ITGA8: variants seen among roughly 807,000 people sequenced by gnomAD.
ITGA8 encodes the protein integrin subunit alpha 8.
In ITGA8, 91 loss-of-function variants were observed where a neutral mutation model predicts 142.3. That is an observed-to-expected ratio of 0.64 (90% CI 0.54 to 0.76). The LOEUF (loss-of-function observed/expected upper bound fraction) is 0.76, where lower values mean the gene tolerates loss of function less well. Ranked by LOEUF, ITGA8 falls within the 30% of genes least tolerant of loss-of-function variation. ITGA8 has a pLI of 0.00. For missense variants in ITGA8, 1,406 were observed against 1,327.7 expected (o/e 1.06, Z -0.92); for synonymous variants, 505 against 485.2 (o/e 1.04, Z -0.54).
chr10:15,703,346 T>C (rs1564416710), intron 2 of ITGA8, among the ~76,000 whole-genome samples: 1 of 152,212 alleles, frequency 6.6e-6, no homozygotes, highest in Non-Finnish European at 1.5e-5. Context: ...CCAGTGTTCT[T>C]CAGACAGTTG....
At chr10:15,683,277 C>CCATA (rs1834772346) in intron 4 of ITGA8, among the ~76,000 whole-genome samples, 1 of 87,080 alleles carries the variant, frequency 1.1e-5, no homozygotes, top group African/African-American at 3.8e-5. Context: ...ACCCATCCAT[C>CCATA]CATCCATCCA....
chr10:15,709,952 A>G (rs977301252), intron 2 of ITGA8, among the ~76,000 whole-genome samples: 1 of 152,224 alleles, frequency 6.6e-6, no homozygotes, highest in Non-Finnish European at 1.5e-5. Flanking sequence ...AGCTCCCAAG[A>G]CAAGAGAGGG....
intron 8 of ITGA8, among the ~76,000 whole-genome samples, chr10:15,661,583 C>T (rs1199970670): frequency 1.3e-5 from 2 of 152,176 alleles, no homozygotes. Context: ...ATTCATGAAT[C>T]TGGCTTCTTG....
At position 15,558,127 on chromosome 10, in the gene ITGA8, T is replaced by G; in HGVS notation, c.2713A>C (p.Lys905Gln). 1 of 1,614,196 alleles carries G rather than the reference T, an allele frequency of 6.2e-7. No individual in the cohort carries two copies. The highest frequency in any genetic ancestry group is 1.1e-5 in the South Asian group (1 of 91,090). The change falls in exon 26 of 30, where the codon AAG becomes CAG. Residue 905 changes from lysine (K) to glutamine (Q), a missense_variant. Physicochemically the swap from Lys to Gln is moderately conservative, Grantham distance 53 (BLOSUM62 1). Transcript: ENST00000378076. ...RNSTIPHLVRKRDVHVVEFHR... is the reference protein window; with the variant it reads ...RNSTIPHLVRQRDVHVVEFHR... ...AATTCGACCACATGTACATCCCTCT[T>G]CCTGACAAGATGAGGAATAGTAGAG...
intron 14 of ITGA8, among the ~76,000 whole-genome samples, chr10:15,614,187 A>C (rs1419842150): frequency 6.6e-6 from 1 of 152,182 alleles, no homozygotes; most frequent in Non-Finnish European, 1.5e-5. Context: ...GCAACTTTTC[A>C]TTGATAATTT....
At position 15,560,296 on chromosome 10, in the gene ITGA8, A is replaced by G. The variant is rs181302487; in HGVS notation, c.2638-2094T>C. ...CCCTGCTTCTAAAAAAAATAAAAAG[A>G]AAAAAAGAACAAAATTACAGATGTC... On this transcript the variant is annotated intron_variant, in intron 25 of 29. Transcript: ENST00000378076. 7.2e-5 allele frequency among the ~76,000 whole-genome samples: 11 copies of G among 152,286 alleles called. No homozygotes were observed. In the East Asian group the frequency reaches 2.1e-3, roughly 29 times the overall value.
In ITGA8 at chr10:15,604,308, A is replaced by T. The variant is rs776542951; in HGVS notation, c.2018T>A (p.Ile673Lys). The T allele has an allele frequency of 1.2e-6, 2 of 1,612,842 alleles. No homozygotes were observed. Among genetic ancestry groups the T allele is most frequent in the African/African-American group, 2.7e-5 (2 of 74,888 alleles). ...IIGDENHLML[I>K]INARNEGEGA... ...TTCCCCTTCATTTCTTGCATTTATT[A>T]TGAGCATAAGGTGATTTTCATCTCC... The change falls in exon 20 of 30, where the codon ATA (isoleucine) becomes AAA (lysine). Residue 673 changes from isoleucine to lysine, a missense_variant. By Grantham distance (102) the Ile-to-Lys change is moderately radical (BLOSUM62 -3). Coordinates refer to ENST00000378076, the MANE Select transcript of ITGA8 (RefSeq NM_003638.3).
chr10:15,537,543 C>G (rs939622625), intron 27 of ITGA8, among the ~76,000 whole-genome samples: 1 of 151,952 alleles, frequency 6.6e-6, no homozygotes, highest in African/African-American at 2.4e-5. Flanking sequence ...TTGCAGACAC[C>G]GGGTCTTCTT....
intron 20 of ITGA8, among the ~76,000 whole-genome samples, chr10:15,602,535 C>T (rs182908029): frequency 0.011 from 1,618 of 152,164 alleles, 28 homozygotes; most frequent in African/African-American, 0.036. Flanking sequence ...CCCAGGTGTT[C>T]AAGACCAGCC....
In ITGA8 at chr10:15,583,222, A is replaced by T. The variant is rs146152202; in HGVS notation, c.2372+3362T>A. ...GTTCATGTCTTTTGCAGGGACATGG[A>T]TGAAACTGGAAACCATCATTCTCAG... is the stretch of plus-strand genomic sequence containing the variant. On this transcript the variant is annotated intron_variant, in intron 23 of 29. Transcript: ENST00000378076. Among the ~76,000 whole-genome samples the T allele has an allele frequency of 1.5e-3, 232 of 152,324 alleles. 3 individuals are homozygous for T. The East Asian group carries it at 0.04, about 27-fold the overall frequency.
chr10:15,677,724 A>G, intron 5 of ITGA8, 87 bp from the exon 6 acceptor site: 1 of 1,319,652 alleles, frequency 7.6e-7, no homozygotes, highest in Non-Finnish European at 1.1e-6. Flanking sequence ...GTTAATAAGC[A>G]TTGCTCTAAC....
At chr10:15,581,967 G>A (rs553005531) in intron 23 of ITGA8, among the ~76,000 whole-genome samples, 3 of 152,278 alleles carry the variant, frequency 2.0e-5, no homozygotes, top group South Asian at 2.1e-4. Flanking sequence ...GGCCAGGTAC[G>A]GTGGCTCATG....
At chr10:15,536,838 C>A (rs1259701790) in intron 27 of ITGA8, among the ~76,000 whole-genome samples, 1 of 152,170 alleles carries the variant, frequency 6.6e-6, no homozygotes, top group Non-Finnish European at 1.5e-5. Flanking sequence ...TGGTAACAAA[C>A]GGAGGAGTTA....
At chr10:15,617,817 T>A (rs908440058) in intron 13 of ITGA8, among the ~76,000 whole-genome samples, 6 of 152,262 alleles carry the variant, frequency 3.9e-5, no homozygotes, top group African/African-American at 1.4e-4. Context: ...TGGACCTCCA[T>A]GGAACCAACC....
At chr10:15,657,066 C>T (rs1834198380) in intron 10 of ITGA8, among the ~76,000 whole-genome samples, 1 of 152,152 alleles carries the variant, frequency 6.6e-6, no homozygotes, top group Non-Finnish European at 1.5e-5. Context: ...AATTCTTTCT[C>T]TTGATGTGGT....
intron 2 of ITGA8, among the ~76,000 whole-genome samples, chr10:15,717,637 G>A (rs1835477742): frequency 1.3e-5 from 2 of 152,142 alleles, no homozygotes; most frequent in Admixed American, 6.5e-5. Context: ...AGACAGGCAT[G>A]ATAAAAATAT....
At chr10:15,600,689 G>C (rs2131604332) in intron 20 of ITGA8, among the ~76,000 whole-genome samples, 1 of 152,326 alleles carries the variant, frequency 6.6e-6, no homozygotes, top group South Asian at 2.1e-4. Context: ...TTGTAATTTA[G>C]AAAGATGGAT....
chr10:15,546,691 A>G (rs1172687385), intron 27 of ITGA8, among the ~76,000 whole-genome samples: 1 of 152,004 alleles, frequency 6.6e-6, no homozygotes, highest in African/African-American at 2.4e-5. Context: ...GAAGGAAAGG[A>G]AGGAAAGAAA....
chr10:15,660,112 T>C (rs1044409071), intron 9 of ITGA8, among the ~76,000 whole-genome samples: 1 of 152,210 alleles, frequency 6.6e-6, no homozygotes, highest in African/African-American at 2.4e-5. Flanking sequence ...TTTATTTCTA[T>C]TGTATGAGGC....
Sources: gnomAD v4.1 joint callset for allele counts (sites outside exome capture counted in the v4.1 genomes callset) on GRCh38, gnomAD v4.1.1 for gene constraint, MANE v1.5 for transcripts, NCBI Gene and HGNC (gene_info 2026-07-23, HGNC 2026-07-21) for gene names.